Variants in IQCM observed in about 807,000 individuals in gnomAD.
The protein encoded by IQCM is IQ domain-containing protein M.
IQCM carries 45 observed loss-of-function variants against 57.6 expected under a neutral mutation model. That is an observed-to-expected ratio of 0.78 (90% CI 0.62 to 1.00). The LOEUF is 1.00. Ranked by LOEUF, IQCM falls within the 50% of genes least tolerant of loss-of-function variation. The pLI, the probability that IQCM is intolerant of heterozygous loss-of-function variation, is 0.00. For missense variants in IQCM, 468 were observed against 511.6 expected (o/e 0.91, Z 0.82); for synonymous variants, 148 against 158.9 (o/e 0.93, Z 0.51).
chr4:149,585,165 T>A (rs533631701), intron 9 of IQCM, among the ~76,000 whole-genome samples: 23 of 151,840 alleles, frequency 1.5e-4, no homozygotes, highest in African/African-American at 5.3e-4. Flanking sequence ...TAGTAATATA[T>A]GTGTGACATA....
At chr4:149,396,596 C>T (rs2111109587) in intron 13 of IQCM, among the ~76,000 whole-genome samples, 1 of 152,006 alleles carries the variant, frequency 6.6e-6, no homozygotes, top group South Asian at 2.1e-4. Flanking sequence ...GAGGTTTACC[C>T]TCTTGACAAA....
intron 13 of IQCM, among the ~76,000 whole-genome samples, chr4:149,429,351 C>T (rs1318067860): frequency 3.3e-5 from 5 of 151,764 alleles, no homozygotes; most frequent in African/African-American, 9.7e-5. Flanking sequence ...AAATTAAAGA[C>T]TTGTTTTTTA....
chr4:149,579,006 T>G (rs972688794), intron 9 of IQCM, among the ~76,000 whole-genome samples: 7 of 151,872 alleles, frequency 4.6e-5, no homozygotes, highest in African/African-American at 1.4e-4. Flanking sequence ...ATATCTGATT[T>G]TCCCTGCCTG....
At chr4:149,800,016 G>A (rs981513970) in intron 2 of IQCM, among the ~76,000 whole-genome samples, 2 of 151,572 alleles carry the variant, frequency 1.3e-5, no homozygotes, top group Admixed American at 1.3e-4. Flanking sequence ...GTAATACCCT[G>A]ATACCAAAAC....
intron 12 of IQCM, among the ~76,000 whole-genome samples, chr4:149,435,332 C>A (rs897520916): frequency 6.6e-6 from 1 of 151,926 alleles, no homozygotes; most frequent in African/African-American, 2.4e-5. Flanking sequence ...GGACCAGATA[C>A]AAAACGGAGC....
chr4:149,740,046 G>A (rs1263990046), intron 3 of IQCM, among the ~76,000 whole-genome samples: 1 of 152,106 alleles, frequency 6.6e-6, no homozygotes, highest in African/African-American at 2.4e-5. Context: ...TTCTGTATCC[G>A]AAAAGACCCA....
chr4:149,552,190 A>G (rs556635507), intron 11 of IQCM, among the ~76,000 whole-genome samples: 17 of 152,334 alleles, frequency 1.1e-4, no homozygotes, highest in African/African-American at 3.8e-4. Context: ...CTATCATTTT[A>G]ACAAATATTT....
chr4:149,444,253 G>A (rs1736268846), intron 12 of IQCM, among the ~76,000 whole-genome samples: 1 of 151,844 alleles, frequency 6.6e-6, no homozygotes, highest in Admixed American at 6.6e-5. Context: ...AAAAATGAAT[G>A]TGTAAATAGC....
chr4:149,396,304 A>T (rs1268370416), intron 13 of IQCM, among the ~76,000 whole-genome samples: 2 of 151,782 alleles, frequency 1.3e-5, no homozygotes, highest in Non-Finnish European at 2.9e-5. Flanking sequence ...GTTTTGAAAA[A>T]TAAGTACAGG....
chr4:149,357,647 C>A (rs1210857812), intron 13 of IQCM, among the ~76,000 whole-genome samples: 1 of 152,188 alleles, frequency 6.6e-6, no homozygotes, highest in Admixed American at 6.5e-5. Context: ...TACGTTTTGC[C>A]AGTATTTTAT....
intron 13 of IQCM, among the ~76,000 whole-genome samples, chr4:149,359,491 T>C (rs570184681): frequency 9.8e-5 from 15 of 152,294 alleles, no homozygotes; most frequent in African/African-American, 2.9e-4. Context: ...TGGTAGAAAG[T>C]AATTTTTATT....
At chr4:149,792,269 A>C (rs777000626) in intron 2 of IQCM, among the ~76,000 whole-genome samples, 1 of 152,152 alleles carries the variant, frequency 6.6e-6, no homozygotes. Context: ...ATTTTACCAT[A>C]TGTAAAAATG....
At chr4:149,594,608 C>T (rs1258774941) in intron 8 of IQCM, among the ~76,000 whole-genome samples, 1 of 152,112 alleles carries the variant, frequency 6.6e-6, no homozygotes, top group Non-Finnish European at 1.5e-5. Context: ...TATAAATTTC[C>T]CTCTACAAAC....
chr4:149,660,016 A>G (rs1474444414), intron 7 of IQCM, among the ~76,000 whole-genome samples: 36 of 150,540 alleles, frequency 2.4e-4, no homozygotes, highest in African/African-American at 8.1e-4. Flanking sequence ...CTGCACAGCA[A>G]AAGAAACTAC....
intron 12 of IQCM, among the ~76,000 whole-genome samples, chr4:149,452,575 A>T (rs549756872): frequency 1.3e-5 from 2 of 151,606 alleles, no homozygotes; most frequent in Non-Finnish European, 3.0e-5. Context: ...TGGAAAAGAC[A>T]GTCTTTTCAA....
At chr4:149,354,504 C>G (rs1179841341) in intron 13 of IQCM, among the ~76,000 whole-genome samples, 1 of 150,974 alleles carries the variant, frequency 6.6e-6, no homozygotes, top group Non-Finnish European at 1.5e-5. Context: ...GACAGTTATA[C>G]TAGAAAAGCA....
chr4:149,701,218 G>C (rs1242401330), intron 5 of IQCM, among the ~76,000 whole-genome samples: 2 of 152,020 alleles, frequency 1.3e-5, no homozygotes, highest in East Asian at 3.9e-4. Flanking sequence ...GCAGTCATTA[G>C]TGGTGGGTGA....
chr4:149,646,452 C>A (rs1758644744), intron 7 of IQCM, among the ~76,000 whole-genome samples: 1 of 151,898 alleles, frequency 6.6e-6, no homozygotes, highest in African/African-American at 2.4e-5. Flanking sequence ...ATTGGTATAA[C>A]ATCTCTCTCT....
chr4:149,578,931 C>A (rs35845151), intron 9 of IQCM, among the ~76,000 whole-genome samples: 7,583 of 151,826 alleles, frequency 0.05, 270 homozygotes, highest in Non-Finnish European at 0.075. Flanking sequence ...CCTTTGTCCC[C>A]CTTCCCCATG....
Sources: gnomAD v4.1 joint callset for allele counts (sites outside exome capture counted in the v4.1 genomes callset) on GRCh38, gnomAD v4.1.1 for gene constraint, MANE v1.5 for transcripts, NCBI Gene and HGNC (gene_info 2026-07-23, HGNC 2026-07-21) for gene names.